The following RAB17 variants were observed in gnomAD, a reference collection of about 807,000 sequenced individuals.
RAB17 encodes the protein RAB17, member RAS oncogene family.
A neutral mutation model predicts 19.3 loss-of-function variants in RAB17; 15 were observed. That is an observed-to-expected ratio of 0.78 (90% CI 0.52 to 1.20). RAB17 has a LOEUF of 1.20. RAB17 is among the 50% of genes most tolerant of loss of function. The pLI is 0.00. For synonymous variants in RAB17, 110 were observed against 112.8 expected, an observed-to-expected ratio of 0.97 and a Z score of 0.16; for missense variants, 262 against 269.3, an observed-to-expected ratio of 0.97 and a Z score of 0.19.
In RAB17 at chr2:237,575,371, C is replaced by T. The variant is rs763106085; in HGVS notation, c.529+16G>A. ...AAGCACCTCCCCCTTGTCTGGCCCACGGGGACGTGACTCACCCACTGTATT... is the reference window on the plus strand; with the variant it reads ...AAGCACCTCCCCCTTGTCTGGCCCATGGGGACGTGACTCACCCACTGTATT... On this transcript the variant is annotated intron_variant, in intron 5 of 5. Coordinates refer to ENST00000264601, the MANE Select transcript of RAB17 (RefSeq NM_022449.4). 3.8e-5 allele frequency: 61 copies of T among 1,593,354 alleles called. No homozygotes were observed. Among genetic ancestry groups the T allele is most frequent in the Middle Eastern group, 2.1e-4 (1 of 4,714 alleles).
chr2:237,578,174 G>A lies in RAB17; in HGVS notation c.158-19C>T. ...AACGCACCTGAAACAGGGAGGCCCA[G>A]AGGGCTTACTCAGAGGACGAGGTTG... On this transcript the variant is annotated intron_variant, in intron 2 of 5. Transcript: ENST00000264601. 6.2e-7 allele frequency: 1 copy of A among 1,600,872 alleles called. No individual in the cohort carries two copies. Among genetic ancestry groups the A allele is most frequent in the Non-Finnish European group, 8.5e-7 (1 of 1,169,866 alleles).
chr2:237,577,292 T>C lies in RAB17; in HGVS notation c.400A>G (p.Thr134Ala). 1 of 1,613,890 alleles carries C rather than the reference T, an allele frequency of 6.2e-7. No homozygotes were observed. ...ACCTCCCGCTCCTGGCTGAGGTCCG[T>C]CTTGTTGCCCACCAGCATCACCAGG... Reference protein sequence around the residue: ...EVLVMLVGNKTDLSQEREVTF... With the variant: ...EVLVMLVGNKADLSQEREVTF... The change falls in exon 4 of 6, where the codon ACG becomes GCG. Residue 134 changes from threonine to alanine, a missense_variant. Transcript: ENST00000264601.
chr2:237,581,426 T>A (rs866489910), intron 2 of RAB17, among the ~76,000 whole-genome samples: 5 of 152,070 alleles, frequency 3.3e-5, no homozygotes, highest in Non-Finnish European at 7.4e-5. Context: ...AATTTAATTT[T>A]ATTTTTTTAG....
chr2:237,590,103 A>ATT (rs1347883036), intron 1 of RAB17, among the ~76,000 whole-genome samples: 2 of 152,166 alleles, frequency 1.3e-5, no homozygotes, highest in Non-Finnish European at 2.9e-5. Context: ...TAAATTGGGA[A>ATT]TGTTGATGTC....
At chr2:237,577,644 G>C in intron 3 of RAB17, 6 of 488,020 alleles carry the variant, frequency 1.2e-5, no homozygotes, top group Admixed American at 7.2e-5. Context: ...TGCCAGCCAC[G>C]GGGTATTTCA....
In RAB17 at chr2:237,577,237, C is replaced by G. The variant is rs1236657858; in HGVS notation, c.435+20G>C. The G allele has an allele frequency of 1.6e-5, 26 of 1,605,428 alleles. No individual in the cohort carries two copies. Among genetic ancestry groups the G allele is most frequent in the Non-Finnish European group, 2.0e-5 (24 of 1,175,774 alleles). On this transcript the variant is annotated intron_variant, in intron 4 of 5. Transcript: ENST00000264601. The stretch of plus-strand genomic sequence containing the variant: ...TCTCTCCTGCTGTGGAAGAGCAGAG[C>G]AGGGTCTCCTGGGCGGTACCTGGAA...
In RAB17 at chr2:237,578,163, AG is replaced by A. The variant is rs1182580201; in HGVS notation, c.158-9del. 9 of 1,606,102 alleles carry A rather than the reference AG, an allele frequency of 5.6e-6. No homozygotes were observed. The highest frequency in any genetic ancestry group is 7.7e-6 in the Non-Finnish European group (9 of 1,173,802). ...CCTTTGTGAAGAACGCACCTGAAAC[AG>A]GGAGGCCCAGAGGGCTTACTCAGAG... On this transcript the variant is annotated splice_polypyrimidine_tract_variant and intron_variant, in intron 2 of 5. Coordinates refer to ENST00000264601, the MANE Select transcript of RAB17 (RefSeq NM_022449.4).
At position 237,575,369 on chromosome 2, in the gene RAB17, C is replaced by CACGGGG; in HGVS notation, c.529+12_529+17dup. 6.3e-7 allele frequency: 1 copy of CACGGGG among 1,591,624 alleles called. No homozygotes were observed. The highest frequency in any genetic ancestry group is 8.6e-7 in the Non-Finnish European group (1 of 1,163,528). ...ACAAGCACCTCCCCCTTGTCTGGCC[C>CACGGGG]ACGGGGACGTGACTCACCCACTGTA... is the stretch of plus-strand genomic sequence containing the variant. On this transcript the variant is annotated intron_variant, in intron 5 of 5. Transcript: ENST00000264601.
At chr2:237,578,659 C>G (rs1349017158) in intron 2 of RAB17, 1 of 155,442 alleles carries the variant, frequency 6.4e-6, no homozygotes, top group Non-Finnish European at 1.4e-5. Context: ...CAATGCTGCT[C>G]CCCACCAACA....
chr2:237,589,398 G>A (rs1306182474), intron 1 of RAB17, among the ~76,000 whole-genome samples: 1 of 151,984 alleles, frequency 6.6e-6, no homozygotes, highest in East Asian at 1.9e-4. Context: ...ATTATCCGAT[G>A]GGTAAGAAAT....
Position 237,574,930 on chromosome 2 carries a change from C to G in RAB17, c.*89G>C. On this transcript the variant is annotated 3_prime_UTR_variant, in exon 6 of 6. Coordinates refer to ENST00000264601, the MANE Select transcript of RAB17 (RefSeq NM_022449.4). ...GAACATCTAGGGCTCGGGAGCAACC[C>G]AGCATTGACAGTGAATCAGAATCCA... 9.2e-7 allele frequency: 1 copy of G among 1,082,692 alleles called. No homozygotes were observed. The highest frequency in any genetic ancestry group is 1.8e-5 in the South Asian group (1 of 56,588). 67.1% of individuals were successfully genotyped at this position (1,082,692 alleles called of 1,614,324 possible).
chr2:237,588,268 C>T (rs1005681279), intron 1 of RAB17, among the ~76,000 whole-genome samples: 21 of 152,334 alleles, frequency 1.4e-4, no homozygotes, highest in African/African-American at 4.8e-4. Context: ...TTCTCTTGCC[C>T]TTTCACCTTC....
intron 1 of RAB17, among the ~76,000 whole-genome samples, chr2:237,587,964 C>T (rs943331869): frequency 6.6e-6 from 1 of 152,088 alleles, no homozygotes; most frequent in African/African-American, 2.4e-5. Flanking sequence ...CAGTGTCTAG[C>T]ACATAGTAAG....
At chr2:237,589,985 C>CT (rs1428452749) in intron 1 of RAB17, among the ~76,000 whole-genome samples, 7 of 152,094 alleles carry the variant, frequency 4.6e-5, no homozygotes, top group Non-Finnish European at 8.8e-5. Flanking sequence ...AGAGGTACAC[C>CT]TGTACATTGC....
intron 2 of RAB17, among the ~76,000 whole-genome samples, chr2:237,584,441 G>A (rs1454790754): frequency 1.3e-5 from 2 of 152,120 alleles, no homozygotes; most frequent in African/African-American, 4.8e-5. Flanking sequence ...TACTGGCCAT[G>A]GGGTCACTGC....
At chr2:237,577,115 G>C (rs762282145) in intron 4 of RAB17, 142 bp downstream of exon 4, 1 of 978,886 alleles carries the variant, frequency 1.0e-6, no homozygotes, top group Non-Finnish European at 1.5e-6. Context: ...GCATGTGGGC[G>C]TGTAGAGGTG....
chr2:237,583,303 G>A (rs2081322277), intron 2 of RAB17, among the ~76,000 whole-genome samples: 1 of 152,088 alleles, frequency 6.6e-6, no homozygotes, highest in Admixed American at 6.5e-5. Flanking sequence ...CTCCAGCCTG[G>A]GTGACAGAGC....
chr2:237,577,120 G>A, intron 4 of RAB17, 137 bp downstream of exon 4: 1 of 1,035,602 alleles, frequency 9.7e-7, no homozygotes, highest in Non-Finnish European at 1.4e-6. Flanking sequence ...TGGGCGTGTA[G>A]AGGTGTGTGT....
At position 237,577,314 on chromosome 2, in the gene RAB17, C is replaced by T. The variant is rs2081273286; in HGVS notation, c.378G>A (p.Leu126=). Residue 126 remains leucine (L), a synonymous_variant, in exon 4 of 6, where the codon CTG becomes CTA. Coordinates refer to ENST00000264601, the MANE Select transcript of RAB17 (RefSeq NM_022449.4). ...CCGTCTTGTTGCCCACCAGCATCACCAGGACTTCTCCTGGGTGCAGCTCCT... is the reference window on the plus strand; with the variant it reads ...CCGTCTTGTTGCCCACCAGCATCACTAGGACTTCTCCTGGGTGCAGCTCCT... ...LEEELHPGEV[L]VMLVGNKTDL... 1 of 1,613,830 alleles carries T rather than the reference C, an allele frequency of 6.2e-7. No homozygotes were observed. Among genetic ancestry groups the T allele is most frequent in the Non-Finnish European group, 8.5e-7 (1 of 1,179,940 alleles).
Sources: gnomAD v4.1 joint callset for allele counts (sites outside exome capture counted in the v4.1 genomes callset) on GRCh38, gnomAD v4.1.1 for gene constraint, MANE v1.5 for transcripts, NCBI Gene and HGNC (gene_info 2026-07-23, HGNC 2026-07-21) for gene names.